Variants in AP4S1 observed in about 807,000 individuals in gnomAD.
AP4S1 encodes the protein adaptor related protein complex 4 subunit sigma 1.
Under a neutral mutation model 19.8 loss-of-function variants are expected in AP4S1, and 23 were observed. The ratio of observed to expected loss-of-function variants is 1.16; its 90% CI spans 0.84 to 1.65. AP4S1 has a LOEUF of 1.65. Among genes scored for constraint, AP4S1 ranks in the 40% most tolerant of loss-of-function variants. AP4S1 has a pLI of 0.00. For synonymous variants in AP4S1, 46 were observed against 54.1 expected, an observed-to-expected ratio of 0.85 and a Z score of 0.66; for missense variants, 166 against 172.8, an observed-to-expected ratio of 0.96 and a Z score of 0.22.
chr14:31,054,167 C>G (rs1433348528), intron 1 of AP4S1, among the ~76,000 whole-genome samples: 1 of 152,096 alleles, frequency 6.6e-6, no homozygotes, highest in African/African-American at 2.4e-5. Context: ...TAGATTCTAC[C>G]CACTAGAAGA....
chr14:31,044,863 A>T (rs1404877522), intron 1 of AP4S1, among the ~76,000 whole-genome samples: 1 of 151,938 alleles, frequency 6.6e-6, no homozygotes, highest in Non-Finnish European at 1.5e-5. Context: ...TTGGGGGCAG[A>T]CATGACAGTA....
chr14:31,067,371 C>T (rs1403770497), intron 2 of AP4S1, among the ~76,000 whole-genome samples: 10 of 151,504 alleles, frequency 6.6e-5, no homozygotes, highest in South Asian at 2.1e-4. Flanking sequence ...GTGCTGTACC[C>T]GTTAACTCGT....
intron 5 of AP4S1, chr14:31,084,930 C>T (rs1887854173): frequency 1.2e-6 from 2 of 1,613,472 alleles, no homozygotes; most frequent in Admixed American, 3.3e-5. Context: ...GGAGACACAC[C>T]AACTACTCTT....
intron 4 of AP4S1, among the ~76,000 whole-genome samples, chr14:31,073,406 C>G (rs113827421): frequency 7.4e-6 from 1 of 134,806 alleles, no homozygotes; most frequent in Admixed American, 7.7e-5. Flanking sequence ...AGGAGAATGG[C>G]GTGAACCCGG....
chr14:31,046,191 A>G (rs894414500), intron 1 of AP4S1, among the ~76,000 whole-genome samples: 6 of 152,168 alleles, frequency 3.9e-5, no homozygotes, highest in Non-Finnish European at 7.4e-5. Flanking sequence ...TCCTGCCCTC[A>G]GGTGATCCAC....
chr14:31,047,617 G>A (rs1397503515), intron 1 of AP4S1, among the ~76,000 whole-genome samples: 7 of 151,852 alleles, frequency 4.6e-5, no homozygotes, highest in Admixed American at 6.6e-5. Flanking sequence ...GGATGGTCTC[G>A]ATCTCCTGAC....
chr14:31,025,730 A>C lies in AP4S1; in HGVS notation c.-129A>C. The C allele has an allele frequency of 1.1e-6, 1 of 871,994 alleles. No individual in the cohort carries two copies. The highest frequency in any genetic ancestry group is 1.8e-5 in the South Asian group (1 of 56,924). 54.0% of individuals were successfully genotyped at this position (871,994 alleles called of 1,614,324 possible). The stretch of plus-strand genomic sequence containing the variant: ...TGGGGAGCAAGCTTATGCGGGAAAG[A>C]GGGAGGGGGACTCCAGGAAAAGCCG... On this transcript the variant is annotated 5_prime_UTR_variant, in exon 1 of 6. Transcript: ENST00000542754.
intron 1 of AP4S1, among the ~76,000 whole-genome samples, chr14:31,053,993 A>G (rs185184547): frequency 1.8e-4 from 28 of 152,298 alleles, no homozygotes; most frequent in African/African-American, 6.7e-4. Flanking sequence ...GGAACAGGAT[A>G]TGAGGGTATT....
chr14:31,076,972 C>T (rs1279184173), intron 4 of AP4S1, among the ~76,000 whole-genome samples: 1 of 152,086 alleles, frequency 6.6e-6, no homozygotes, highest in Non-Finnish European at 1.5e-5. Flanking sequence ...GCTCTTGTTG[C>T]CCAGGTTGGA....
At chr14:31,043,131 G>A (rs1370268407) in intron 1 of AP4S1, among the ~76,000 whole-genome samples, 1 of 151,806 alleles carries the variant, frequency 6.6e-6, no homozygotes. Context: ...TGAGGCGGGA[G>A]AATCGCTTGA....
chr14:31,028,652 C>G (rs566281108), intron 1 of AP4S1, among the ~76,000 whole-genome samples: 1 of 151,980 alleles, frequency 6.6e-6, no homozygotes, highest in Non-Finnish European at 1.5e-5. Flanking sequence ...GTGGCTCACA[C>G]CTATAATCCC....
At chr14:31,044,201 C>G (rs923681589) in intron 1 of AP4S1, among the ~76,000 whole-genome samples, 2 of 152,198 alleles carry the variant, frequency 1.3e-5, no homozygotes, top group African/African-American at 4.8e-5. Flanking sequence ...ATCCTACTAT[C>G]CGGAGTTAAG....
chr14:31,053,606 T>C (rs1885937543), intron 1 of AP4S1, among the ~76,000 whole-genome samples: 1 of 136,578 alleles, frequency 7.3e-6, no homozygotes, highest in African/African-American at 2.7e-5. Flanking sequence ...TTTTTTTTTT[T>C]TTTTTTTTTT....
intron 1 of AP4S1, chr14:31,027,052 C>G (rs1884039315): frequency 6.6e-6 from 1 of 151,836 alleles, no homozygotes; most frequent in African/African-American, 2.4e-5. Flanking sequence ...CTCGGTCGCC[C>G]GTCGTAACTT....
chr14:31,036,363 G>C (rs1206630307), intron 1 of AP4S1, among the ~76,000 whole-genome samples: 1 of 152,046 alleles, frequency 6.6e-6, no homozygotes, highest in Non-Finnish European at 1.5e-5. Flanking sequence ...GATTACAGGT[G>C]TGAGCCACCG....
chr14:31,058,702 G>A (rs1886269261), intron 1 of AP4S1, among the ~76,000 whole-genome samples: 1 of 151,152 alleles, frequency 6.6e-6, no homozygotes, highest in Admixed American at 6.6e-5. Context: ...TAAGTAGCTG[G>A]GACTATAGGT....
At chr14:31,084,758 GT>G (rs766477779) in intron 5 of AP4S1, 12 of 1,613,308 alleles carry the variant, frequency 7.4e-6, no homozygotes, top group Non-Finnish European at 1.0e-5. Context: ...GAATTAAGGT[GT>G]TTTTTTTAGG....
chr14:31,051,508 T>C (rs1251271726), intron 1 of AP4S1, among the ~76,000 whole-genome samples: 1 of 151,960 alleles, frequency 6.6e-6, no homozygotes, highest in Non-Finnish European at 1.5e-5. Context: ...CTGTCTCTAC[T>C]AAAAATACAA....
chr14:31,029,299 GT>G (rs1014305882), intron 1 of AP4S1, among the ~76,000 whole-genome samples: 1 of 152,116 alleles, frequency 6.6e-6, no homozygotes, highest in African/African-American at 2.4e-5. Context: ...TCATTCCTCT[GT>G]TTAACATAGT....
Sources: gnomAD v4.1 joint callset for allele counts (sites outside exome capture counted in the v4.1 genomes callset) on GRCh38, gnomAD v4.1.1 for gene constraint, MANE v1.5 for transcripts, NCBI Gene and HGNC (gene_info 2026-07-23, HGNC 2026-07-21) for gene names.